Variants in ANKFY1 observed in about 807,000 individuals in gnomAD.
ANKFY1 encodes ankyrin repeat and FYVE domain-containing protein 1.
Under a neutral mutation model 128.3 loss-of-function variants are expected in ANKFY1, and 47 were observed. The observed-to-expected ratio is 0.37, with a 90% CI of 0.29 to 0.47. ANKFY1 has a LOEUF of 0.47. Among genes scored for constraint, ANKFY1 ranks in the 20% least tolerant of loss-of-function variants. The pLI, the probability that ANKFY1 is intolerant of heterozygous loss-of-function variation, is 1.00. For missense variants in ANKFY1, 1,222 were observed against 1,510.6 expected (o/e 0.81, Z 3.17); for synonymous variants, 553 against 601.6 (o/e 0.92, Z 1.18).
At chr17:4,211,139 C>T (rs2060123062) in intron 4 of ANKFY1, among the ~76,000 whole-genome samples, 1 of 152,154 alleles carries the variant, frequency 6.6e-6, no homozygotes, top group African/African-American at 2.4e-5. Context: ...TGTGGTGGCT[C>T]ACACCTATAA....
intron 7 of ANKFY1, among the ~76,000 whole-genome samples, chr17:4,200,328 T>C (rs1201216955): frequency 3.3e-5 from 5 of 152,088 alleles, no homozygotes; most frequent in Non-Finnish European, 5.9e-5. Context: ...CCTCCCAAAG[T>C]GTTGGGATTA....
chr17:4,181,205 G>C lies in ANKFY1; in HGVS notation c.2240+49C>G. 1 of 1,460,774 alleles carries C rather than the reference G, an allele frequency of 6.8e-7. No homozygotes were observed. Among genetic ancestry groups the C allele is most frequent in the South Asian group, 1.1e-5 (1 of 87,872 alleles). The allele number at this position is 1,460,774 out of a possible 1,614,324, so 90.5% of individuals were successfully genotyped here. On this transcript the variant is annotated intron_variant, in intron 16 of 24. Transcript: ENST00000341657. The surrounding 1 kb of genome is among the most constrained non-coding windows in gnomAD (Gnocchi z 4.9). ...GATTTAAAAAGGAAAGAGCCAGTTT[G>C]CAACAAGCTCACTAAAAAGCTGTGG...
Position 4,179,282 on chromosome 17 carries a change from ATG to A in ANKFY1, c.2398-227_2398-226del, listed in dbSNP as rs1467289001. 5.1e-6 allele frequency: 3 copies of A among 590,380 alleles called. No individual in the cohort carries two copies. In the African/African-American group the frequency reaches 5.6e-5, roughly 11 times the overall value. 36.6% of individuals were successfully genotyped at this position (590,380 alleles called of 1,614,324 possible). A position where few individuals can be genotyped will look rare whatever the true frequency, so the allele number is the denominator to read the frequency against. ...TGGTGACCGTAGGACCAGCACAAAC[ATG>A]TGTTTCACATCTGCAGTGAGTCTCC... On this transcript the variant is annotated intron_variant, in intron 17 of 24. Coordinates refer to ENST00000341657, the MANE Select transcript of ANKFY1 (RefSeq NM_001330063.2).
At chr17:4,224,310 C>A (rs2060384385) in intron 3 of ANKFY1, among the ~76,000 whole-genome samples, 1 of 149,634 alleles carries the variant, frequency 6.7e-6, no homozygotes, top group South Asian at 2.1e-4. Flanking sequence ...GCAGGCTCTG[C>A]CCCCGGGGTT....
intron 3 of ANKFY1, among the ~76,000 whole-genome samples, chr17:4,226,559 C>A (rs1452602669): frequency 1.3e-5 from 2 of 150,300 alleles, no homozygotes; most frequent in South Asian, 2.1e-4. Context: ...CAAAGTAATC[C>A]AAAGAAAGAA....
chr17:4,213,640 C>G (rs1441024975), intron 4 of ANKFY1, among the ~76,000 whole-genome samples: 1 of 150,234 alleles, frequency 6.7e-6, no homozygotes, highest in African/African-American at 2.5e-5. Flanking sequence ...GATCTCGGCT[C>G]ACTGCAACCT....
At chr17:4,193,733 T>A (rs951056618) in intron 10 of ANKFY1, among the ~76,000 whole-genome samples, 1 of 150,290 alleles carries the variant, frequency 6.7e-6, no homozygotes, top group Non-Finnish European at 1.5e-5. Flanking sequence ...GGCTGACCTT[T>A]AATTTTTTTT....
chr17:4,206,375 C>G lies in ANKFY1; in HGVS notation c.844G>C (p.Val282Leu), dbSNP rs1355584295. ...CAGCCACTCTTGTCCACCATGTCCA[C>G]ATCAGCTTTGTGACTAACCAGCGTG... ...ATTLVSHKADVDMVDKSGWSL... is the reference protein window; with the variant it reads ...ATTLVSHKADLDMVDKSGWSL... Residue 282 changes from valine (V) to leucine (L), a missense_variant, in exon 7 of 25, where the codon GTG (valine) becomes CTG (leucine). Val to Leu is a conservative substitution (Grantham distance 32). Coordinates refer to ENST00000341657, the MANE Select transcript of ANKFY1 (RefSeq NM_001330063.2). 2 of 1,614,112 alleles carry G rather than the reference C, an allele frequency of 1.2e-6. No individual in the cohort carries two copies. Among genetic ancestry groups the G allele is most frequent in the Admixed American group, 3.3e-5 (2 of 60,008 alleles).
rs115348901 is a variant in ANKFY1, at chr17:4,209,138, C to T, written c.582+686G>A. ...GAAATCTAAACTGAAAGATGCTCTC[C>T]GCCTGATTAGGAGAGCAAGGGCAAG... On this transcript the variant is annotated intron_variant, in intron 5 of 24. Transcript: ENST00000341657. Among the ~76,000 whole-genome samples the T allele has an allele frequency of 5.0e-3, 759 of 152,330 alleles. 5 individuals are homozygous for T. The highest frequency in any genetic ancestry group is 0.018 in the African/African-American group (732 of 41,580).
intron 21 of ANKFY1, 73 bp downstream of exon 21, chr17:4,173,281 G>A: frequency 6.9e-7 from 1 of 1,440,814 alleles, no homozygotes; most frequent in Non-Finnish European, 9.7e-7. Flanking sequence ...GGGCTGATGG[G>A]AGGCACCAGC....
intron 1 of ANKFY1, among the ~76,000 whole-genome samples, chr17:4,245,760 A>G (rs1191256127): frequency 6.8e-6 from 1 of 147,048 alleles, no homozygotes; most frequent in African/African-American, 2.5e-5. Context: ...AAAAAAAAAA[A>G]ACAACCAGCC....
At chr17:4,238,055 A>G (rs1011117287) in intron 2 of ANKFY1, among the ~76,000 whole-genome samples, 1 of 151,624 alleles carries the variant, frequency 6.6e-6, no homozygotes, top group African/African-American at 2.4e-5. Context: ...GGCCAGGCAC[A>G]GTGGCACACA....
chr17:4,216,393 A>G (rs1374353410), intron 4 of ANKFY1: 1 of 163,422 alleles, frequency 6.1e-6, no homozygotes, highest in South Asian at 1.5e-4. Context: ...CTCGTCTGAC[A>G]TTATTTAGTG....
chr17:4,235,443 C>A (rs867949493), intron 3 of ANKFY1, among the ~76,000 whole-genome samples: 2 of 150,754 alleles, frequency 1.3e-5, no homozygotes, highest in African/African-American at 4.9e-5. Context: ...AAATTTTTTT[C>A]TGGACATGAA....
intron 1 of ANKFY1, among the ~76,000 whole-genome samples, chr17:4,248,378 A>G (rs1247853648): frequency 6.6e-6 from 1 of 152,216 alleles, no homozygotes; most frequent in African/African-American, 2.4e-5. Flanking sequence ...CCAGTGCCTG[A>G]TGATCTGAGG....
rs777872281 is a variant in ANKFY1, at chr17:4,179,839, T to C, written c.2279A>G (p.Asn760Ser). The C allele has an allele frequency of 3.8e-5, 61 of 1,614,198 alleles. No homozygotes were observed. In the Admixed American group the frequency reaches 4.8e-4, roughly 13 times the overall value. Reference sequence around the variant, plus strand: ...TCTAGCCTCTTCCTCTCCTTCTCCATTGGCGCCTGGTTGTCTGGGACTGTT... The same window carrying C: ...TCTAGCCTCTTCCTCTCCTTCTCCACTGGCGCCTGGTTGTCTGGGACTGTT... ...DVNSPRQPGA[N>S]GEGEEEARDG... Residue 760 changes from asparagine to serine, a missense_variant, in exon 17 of 25, where the codon AAT (asparagine) becomes AGT (serine). By Grantham distance (46) the Asn-to-Ser change is conservative. Coordinates refer to ENST00000341657, the MANE Select transcript of ANKFY1 (RefSeq NM_001330063.2).
At chr17:4,172,525 A>G in intron 22 of ANKFY1, 31 bp downstream of exon 22, 1 of 1,602,396 alleles carries the variant, frequency 6.2e-7, no homozygotes, top group African/African-American at 1.3e-5. Context: ...TGCGCAAGTG[A>G]GACGGGACAT....
At chr17:4,212,469 CT>C in intron 4 of ANKFY1, among the ~76,000 whole-genome samples, 1 of 152,344 alleles carries the variant, frequency 6.6e-6, no homozygotes, top group East Asian at 1.9e-4. Flanking sequence ...ACTAGTTACA[CT>C]CAGCACAGCT....
chr17:4,174,811 C>T (rs1458488918), intron 19 of ANKFY1, among the ~76,000 whole-genome samples: 3 of 152,000 alleles, frequency 2.0e-5, no homozygotes, highest in African/African-American at 4.8e-5. Context: ...CAGCCTTGAA[C>T]GCCTGGGCTT....
Sources: allele counts gnomAD v4.1 joint callset (sites outside exome capture counted in the v4.1 genomes callset), GRCh38; gene constraint gnomAD v4.1.1; non-coding constraint Gnocchi (gnomAD v3.1); transcripts MANE v1.5; gene names NCBI Gene and HGNC (gene_info 2026-07-23, HGNC 2026-07-21).